CAMKMT: variants seen among roughly 807,000 people sequenced by gnomAD.
CAMKMT encodes calmodulin-lysine N-methyltransferase.
CAMKMT carries 53 observed loss-of-function variants against 48.0 expected under a neutral mutation model. The ratio of observed to expected loss-of-function variants is 1.10; its 90% confidence interval spans 0.89 to 1.39. The LOEUF (loss-of-function observed/expected upper bound fraction) is 1.39, where lower values mean the gene tolerates loss of function less well. Among genes scored for constraint, CAMKMT ranks in the 40% most tolerant of loss-of-function variants. CAMKMT has a pLI of 0.00. For missense variants in CAMKMT, 428 were observed against 402.7 expected (o/e 1.06, Z -0.54); for synonymous variants, 165 against 152.3 (o/e 1.08, Z -0.61).
intron 4 of CAMKMT, among the ~76,000 whole-genome samples, chr2:44,705,176 C>A (rs1677482878): frequency 6.6e-6 from 1 of 152,072 alleles, no homozygotes; most frequent in Non-Finnish European, 1.5e-5. Context: ...ATTTACCAAC[C>A]AGTCTACAAT....
chr2:44,604,675 C>T (rs999106600), intron 3 of CAMKMT, among the ~76,000 whole-genome samples: 1 of 150,682 alleles, frequency 6.6e-6, no homozygotes, highest in African/African-American at 2.4e-5. Context: ...ACTATTTTTT[C>T]ACTGTAAACT....
chr2:44,579,345 C>G (rs1669412998), intron 3 of CAMKMT, among the ~76,000 whole-genome samples: 1 of 152,078 alleles, frequency 6.6e-6, no homozygotes, highest in South Asian at 2.1e-4. Context: ...AATTCATGCG[C>G]TGGTGTAATG....
intron 3 of CAMKMT, among the ~76,000 whole-genome samples, chr2:44,398,640 A>G (rs1682081016): frequency 6.7e-6 from 1 of 149,930 alleles, no homozygotes; most frequent in Admixed American, 6.7e-5. Context: ...ATGTTTTAAC[A>G]TAGCCCCTTC....
intron 3 of CAMKMT, among the ~76,000 whole-genome samples, chr2:44,652,714 G>C (rs1674149293): frequency 6.6e-6 from 1 of 152,194 alleles, no homozygotes; most frequent in South Asian, 2.1e-4. Context: ...AGAAAAGGCG[G>C]GGTCTAGTGG....
At chr2:44,416,475 T>A (rs1306099153) in intron 3 of CAMKMT, among the ~76,000 whole-genome samples, 1 of 152,124 alleles carries the variant, frequency 6.6e-6, no homozygotes, top group Non-Finnish European at 1.5e-5. Context: ...CTACTCTCTG[T>A]CACTATTGAT....
intron 3 of CAMKMT, among the ~76,000 whole-genome samples, chr2:44,539,772 G>T (rs925939221): frequency 7.9e-5 from 12 of 152,056 alleles, no homozygotes; most frequent in African/African-American, 2.7e-4. Context: ...ACCATATGCG[G>T]GTTAGGCACT....
At chr2:44,478,675 T>C (rs1021231146) in intron 3 of CAMKMT, among the ~76,000 whole-genome samples, 1 of 150,650 alleles carries the variant, frequency 6.6e-6, no homozygotes, top group African/African-American at 2.4e-5. Context: ...TAAAAAGATA[T>C]AAAAGTTAAT....
At chr2:44,683,822 C>CAAAAAAAAAA (rs10644183) in intron 3 of CAMKMT, among the ~76,000 whole-genome samples, 8 of 70,902 alleles carry the variant, frequency 1.1e-4, no homozygotes, top group African/African-American at 2.2e-4. Flanking sequence ...GACTCTGTCT[C>CAAAAAAAAAA]AAAAAAAAAA....
At chr2:44,561,316 G>A (rs908961006) in intron 3 of CAMKMT, among the ~76,000 whole-genome samples, 2 of 152,068 alleles carry the variant, frequency 1.3e-5, no homozygotes, top group African/African-American at 2.4e-5. Flanking sequence ...CCATCTAGCT[G>A]GTGGTTTATA....
At chr2:44,384,427 G>A (rs1483160394) in intron 2 of CAMKMT, among the ~76,000 whole-genome samples, 1 of 149,036 alleles carries the variant, frequency 6.7e-6, no homozygotes, top group Non-Finnish European at 1.5e-5. Flanking sequence ...TCTCTGGGTT[G>A]TCTGTTTACT....
At chr2:44,482,992 T>G (rs1162525304) in intron 3 of CAMKMT, among the ~76,000 whole-genome samples, 1 of 152,134 alleles carries the variant, frequency 6.6e-6, no homozygotes. Flanking sequence ...TTACAAAGAA[T>G]CATGATGCCA....
chr2:44,410,944 A>G (rs1332635899), intron 3 of CAMKMT, among the ~76,000 whole-genome samples: 1 of 152,224 alleles, frequency 6.6e-6, no homozygotes, highest in Non-Finnish European at 1.5e-5. Context: ...AGTAATTGAT[A>G]GTTCTAAAGT....
intron 3 of CAMKMT, among the ~76,000 whole-genome samples, chr2:44,408,003 A>G (rs925281094): frequency 1.3e-5 from 2 of 150,966 alleles, no homozygotes; most frequent in African/African-American, 4.9e-5. Context: ...GTTTAGAGGC[A>G]GAAGACAACA....
rs1464229549 is a variant in CAMKMT at position 44,657,425 on chromosome 2, C to T, written c.377-46858C>T. Among the ~76,000 whole-genome samples the T allele has an allele frequency of 6.6e-6, 1 of 152,172 alleles. No homozygotes were observed. Among genetic ancestry groups the T allele is most frequent in the African/African-American group, 2.4e-5 (1 of 41,442 alleles). ...TGTGAACCTGAAGTTCAGAATGACTCTTCCACCCTCCCTATGAAAGGATTG... is the reference window on the plus strand; with the variant it reads ...TGTGAACCTGAAGTTCAGAATGACTTTTCCACCCTCCCTATGAAAGGATTG... On this transcript the variant is annotated intron_variant, in intron 3 of 10. Coordinates refer to ENST00000378494, the MANE Select transcript of CAMKMT (RefSeq NM_024766.5). The surrounding 1 kb of genome is among the most constrained non-coding windows in gnomAD (Gnocchi z 4.3).
chr2:44,614,723 A>C (rs1671774928), intron 3 of CAMKMT, among the ~76,000 whole-genome samples: 1 of 152,132 alleles, frequency 6.6e-6, no homozygotes, highest in Admixed American at 6.5e-5. Context: ...GCTGAAAGCC[A>C]CAAAGAGGTA....
At position 44,754,100 on chromosome 2, in the gene CAMKMT, G is replaced by C; in HGVS notation, c.744G>C (p.Lys248Asn). 6.2e-7 allele frequency: 1 copy of C among 1,613,856 alleles called. No homozygotes were observed. The highest frequency in any genetic ancestry group is 1.7e-5 in the Admixed American group (1 of 60,016). Residue 248 changes from lysine (K) to asparagine (N), a missense_variant, in exon 9 of 11, where the codon AAG becomes AAC. Lys to Asn is a moderately conservative substitution (Grantham distance 94, BLOSUM62 0). Coordinates refer to ENST00000378494, the MANE Select transcript of CAMKMT (RefSeq NM_024766.5). ...QYRASLVDAI[K>N]RLLQPRGKAM... ...GAGCCAGCCTTGTTGATGCAATAAA[G>C]AGATTACTCCAGCCCAGGGTAAGTA...
intron 3 of CAMKMT, among the ~76,000 whole-genome samples, chr2:44,649,420 TG>T (rs898965956): frequency 4.6e-5 from 7 of 151,998 alleles, no homozygotes; most frequent in Admixed American, 3.9e-4. Context: ...TGATGTGATC[TG>T]GATTAAAAAT....
intron 3 of CAMKMT, among the ~76,000 whole-genome samples, chr2:44,573,995 T>C (rs911192476): frequency 6.6e-6 from 1 of 152,220 alleles, no homozygotes; most frequent in Non-Finnish European, 1.5e-5. Context: ...TCTCTGTAAA[T>C]TTTTTCTTGA....
intron 3 of CAMKMT, among the ~76,000 whole-genome samples, chr2:44,493,829 G>C (rs7606404): frequency 6.6e-6 from 1 of 151,976 alleles, no homozygotes; most frequent in African/African-American, 2.4e-5. Context: ...TTTTTGAAGG[G>C]TTTTACTTTG....
Sources: allele counts gnomAD v4.1 joint callset (sites outside exome capture counted in the v4.1 genomes callset), GRCh38; gene constraint gnomAD v4.1.1; non-coding constraint Gnocchi (gnomAD v3.1); transcripts MANE v1.5; gene names NCBI Gene and HGNC (gene_info 2026-07-23, HGNC 2026-07-21).